Variants in FAM167A observed in about 807,000 individuals in gnomAD.
FAM167A encodes protein FAM167A.
A neutral mutation model predicts 14.9 loss-of-function variants in FAM167A; 23 were observed. The observed-to-expected ratio is 1.55, with a 90% CI of 1.11 to 2.19. FAM167A has a LOEUF of 2.19. Ranked by LOEUF, FAM167A falls within the 30% of genes most tolerant of loss-of-function variation. FAM167A has a pLI of 0.00. For missense variants in FAM167A, 401 were observed against 281.5 expected, an observed-to-expected ratio of 1.42 and a Z score of -3.04; for synonymous variants, 174 against 117.7, an observed-to-expected ratio of 1.48 and a Z score of -3.10.
Position 11,424,316 on chromosome 8 carries a change from GAC to G in FAM167A, c.*55_*56del. ...GAGTAACTTGGCCTCAGCTTCCTCT[GAC>G]ACCCCTCCAGCCCAAGCCCTCCGCT... On this transcript the variant is annotated 3_prime_UTR_variant, in exon 3 of 3. Transcript: ENST00000284486. The G allele has an allele frequency of 1.9e-6, 3 of 1,599,846 alleles. No individual in the cohort carries two copies. Among genetic ancestry groups the G allele is most frequent in the Non-Finnish European group, 2.6e-6 (3 of 1,170,902 alleles).
Position 11,424,007 on chromosome 8 carries a change from T to G in FAM167A, c.*366A>C. On this transcript the variant is annotated 3_prime_UTR_variant, in exon 3 of 3. Coordinates refer to ENST00000284486, the MANE Select transcript of FAM167A (RefSeq NM_053279.3). ...GACAGCCTTCTGCAAAAATGACAGC[T>G]TTGTTGGGGGGCCTCCCTTTGGGAA... 4.3e-6 allele frequency: 1 copy of G among 230,238 alleles called. No individual in the cohort carries two copies. Among genetic ancestry groups the G allele is most frequent in the Non-Finnish European group, 8.6e-6 (1 of 116,406 alleles). The allele number at this position is 230,238 out of a possible 1,614,324, so 14.3% of individuals were successfully genotyped here. A position where few individuals can be genotyped will look rare whatever the true frequency, so the allele number is the denominator to read the frequency against.
chr8:11,460,708 T>C (rs1177263542), intron 1 of FAM167A, among the ~76,000 whole-genome samples: 4 of 152,148 alleles, frequency 2.6e-5, no homozygotes, highest in African/African-American at 2.4e-5. Context: ...CTAAGAATTA[T>C]ACCACAGAGA....
chr8:11,448,261 G>C (rs117262908), intron 1 of FAM167A, among the ~76,000 whole-genome samples: 2,568 of 151,992 alleles, frequency 0.017, 31 homozygotes, highest in Middle Eastern at 0.031. Context: ...CCCACACGAG[G>C]GGCCCTGTGC....
intron 1 of FAM167A, among the ~76,000 whole-genome samples, chr8:11,459,158 A>T (rs891961927): frequency 2.0e-5 from 3 of 152,208 alleles, no homozygotes; most frequent in Non-Finnish European, 4.4e-5. Context: ...GACCTTTTTT[A>T]TTGTGCCAGG....
At chr8:11,456,364 GTGTGGGGTGGTTGCCCTGCCT>G (rs1309125961) in intron 1 of FAM167A, among the ~76,000 whole-genome samples, 192 of 150,206 alleles carry the variant, frequency 1.3e-3, no homozygotes, top group African/African-American at 4.4e-3. Context: ...CTGGGTGTGT[GTGTGGGGTGGTTGCCCTGCCT>G]GGTGTGTGTG....
At chr8:11,437,991 T>G (rs1310231867) in intron 2 of FAM167A, 17 of 337,468 alleles carry the variant, frequency 5.0e-5, no homozygotes, top group Non-Finnish European at 8.8e-5. Flanking sequence ...TATTATAACT[T>G]TTGTCACACC....
intron 2 of FAM167A, among the ~76,000 whole-genome samples, chr8:11,439,626 G>A (rs767131756): frequency 1.1e-4 from 16 of 152,208 alleles, no homozygotes; most frequent in Admixed American, 2.6e-4. Context: ...AGGAGACTGC[G>A]GGAGGAGGGT....
intron 2 of FAM167A, among the ~76,000 whole-genome samples, chr8:11,425,176 T>C (rs1805050893): frequency 1.3e-5 from 2 of 152,216 alleles, no homozygotes; most frequent in East Asian, 1.9e-4. Flanking sequence ...CAAACAAAAA[T>C]TGGTTCCTAG....
upstream of FAM167A, among the ~76,000 whole-genome samples, chr8:11,468,579 C>T (rs560443796): frequency 6.7e-6 from 1 of 150,234 alleles, no homozygotes; most frequent in South Asian, 2.1e-4. Flanking sequence ...AAGCATCCTT[C>T]TGGGTGCTGG....
intron 1 of FAM167A, among the ~76,000 whole-genome samples, chr8:11,463,057 G>T (rs1259905253): frequency 6.6e-6 from 1 of 152,148 alleles, no homozygotes; most frequent in Non-Finnish European, 1.5e-5. Flanking sequence ...CACAGGACAG[G>T]CTGTATGGAC....
chr8:11,446,290 T>C (rs1806780424), intron 1 of FAM167A: 1 of 152,218 alleles, frequency 6.6e-6, no homozygotes, highest in Admixed American at 6.5e-5. Context: ...GAGGACGTCC[T>C]GCTGCCCGAC....
intron 2 of FAM167A, among the ~76,000 whole-genome samples, chr8:11,426,440 G>A (rs1423447981): frequency 1.3e-5 from 2 of 152,160 alleles, no homozygotes; most frequent in Non-Finnish European, 2.9e-5. Context: ...TACAGAGTTT[G>A]TTTTCTTCTG....
At chr8:11,461,199 T>C (rs1807524497) in intron 1 of FAM167A, among the ~76,000 whole-genome samples, 1 of 152,162 alleles carries the variant, frequency 6.6e-6, no homozygotes, top group Admixed American at 6.5e-5. Context: ...GTCGCTGGTG[T>C]GTCCCTTCCA....
rs182711751 is a variant in FAM167A, at chr8:11,423,008, G to A, written c.*1365C>T. The A allele has an allele frequency of 1.3e-5, 2 of 152,770 alleles. No individual in the cohort carries two copies. Among genetic ancestry groups the A allele is most frequent in the East Asian group, 3.9e-4 (2 of 5,192 alleles). 9.5% of individuals were successfully genotyped at this position (152,770 alleles called of 1,614,324 possible). On this transcript the variant is annotated 3_prime_UTR_variant, in exon 3 of 3. Coordinates refer to ENST00000284486, the MANE Select transcript of FAM167A (RefSeq NM_053279.3). ...CTTTGGGGTTCAAGTTCATTGACAT[G>A]TGATCTACTAGGCATTATCAATAAT...
chr8:11,441,987 G>C (rs1470116955), intron 2 of FAM167A, among the ~76,000 whole-genome samples: 1 of 152,262 alleles, frequency 6.6e-6, no homozygotes, highest in African/African-American at 2.4e-5. Flanking sequence ...TGGTGGCACA[G>C]GGAAGTGGCT....
At position 11,447,783 on chromosome 8, in the gene FAM167A, T is replaced by C. The variant is rs558760011; in HGVS notation, c.-397-2975A>G. ...CCATTGGCTTTGTGACGCTGGCACA[T>C]TGCTTCATGACCACTCTGGGCCTCT... On this transcript the variant is annotated intron_variant, in intron 1 of 2. Transcript: ENST00000284486. 5.3e-5 allele frequency among the ~76,000 whole-genome samples: 8 copies of C among 152,342 alleles called. No homozygotes were observed. The South Asian group carries it at 1.4e-3, about 28-fold the overall frequency.
chr8:11,468,412 T>C (rs1430966646), upstream of FAM167A, among the ~76,000 whole-genome samples: 1 of 152,248 alleles, frequency 6.6e-6, no homozygotes, highest in Admixed American at 6.5e-5. Flanking sequence ...TTACAGGTGC[T>C]GGCAGCCCCC....
chr8:11,473,817 G>C (rs1435333954), intron 1 of FAM167A, among the ~76,000 whole-genome samples: 2 of 152,148 alleles, frequency 1.3e-5, no homozygotes, highest in Non-Finnish European at 2.9e-5. Flanking sequence ...TAGACAGGGA[G>C]TAGCACACAG....
chr8:11,471,264 C>T (rs755923317), upstream of FAM167A, among the ~76,000 whole-genome samples: 1 of 152,084 alleles, frequency 6.6e-6, no homozygotes, highest in Admixed American at 6.5e-5. Flanking sequence ...GCTCAGCGGC[C>T]GAGGTGAGGA....
Sources: allele counts gnomAD v4.1 joint callset (sites outside exome capture counted in the v4.1 genomes callset), GRCh38; gene constraint gnomAD v4.1.1; transcripts MANE v1.5; gene names NCBI Gene and HGNC (gene_info 2026-07-23, HGNC 2026-07-21).